The following IPCEF1 variants were observed in gnomAD, a reference collection of about 807,000 sequenced individuals.
The protein encoded by IPCEF1 is interaction protein for cytohesin exchange factors 1.
Under a neutral mutation model 50.9 loss-of-function variants are expected in IPCEF1, and 31 were observed. The ratio of observed to expected loss-of-function variants is 0.61; its 90% CI spans 0.46 to 0.82. IPCEF1 has a LOEUF of 0.82. IPCEF1 is among the 40% of genes least tolerant of loss of function. IPCEF1 has a pLI of 0.00. For synonymous variants in IPCEF1, 181 were observed against 192.0 expected, an observed-to-expected ratio of 0.94 and a Z score of 0.47; for missense variants, 458 against 514.0, an observed-to-expected ratio of 0.89 and a Z score of 1.05.
intron 3 of IPCEF1, among the ~76,000 whole-genome samples, chr6:154,260,051 C>T (rs1362711327): frequency 6.6e-6 from 1 of 152,288 alleles, no homozygotes; most frequent in Non-Finnish European, 1.5e-5. Flanking sequence ...TTCATGCAGG[C>T]AGAAATCGTG....
intron 10 of IPCEF1, among the ~76,000 whole-genome samples, chr6:154,177,349 G>A (rs201613715): frequency 6.6e-6 from 1 of 152,128 alleles, no homozygotes; most frequent in East Asian, 1.9e-4. Context: ...AAGTGAACAG[G>A]CAACCTACAG....
At chr6:154,233,761 C>T (rs549442192) in intron 5 of IPCEF1, among the ~76,000 whole-genome samples, 4 of 152,292 alleles carry the variant, frequency 2.6e-5, no homozygotes, top group African/African-American at 9.6e-5. Flanking sequence ...CCAGGGCACA[C>T]TGGCAAGACT....
chr6:154,265,939 T>C lies in IPCEF1; in HGVS notation c.9A>G (p.Ser3=). 6.2e-7 allele frequency: 1 copy of C among 1,602,388 alleles called. No homozygotes were observed. The highest frequency in any genetic ancestry group is 8.5e-7 in the Non-Finnish European group (1 of 1,173,216). MT[S]YMAIDGSALQ... ...GAGCACTGCCATCAATAGCCATGTA[T>C]GATGTCATCTTAGTAGAAACAAAAG... The change falls in exon 3 of 12, where the codon TCA becomes TCG. Residue 3 remains serine, a synonymous_variant. Coordinates refer to ENST00000367220, the MANE Select transcript of IPCEF1 (RefSeq NM_001130700.2).
intron 5 of IPCEF1, among the ~76,000 whole-genome samples, chr6:154,241,234 C>CAAAAA (rs11308882): frequency 1.3e-5 from 1 of 79,208 alleles, no homozygotes; most frequent in African/African-American, 4.8e-5. Context: ...GACTCCATCT[C>CAAAAA]AAAAAAAAAA....
At chr6:154,181,832 G>A (rs535963743) in intron 10 of IPCEF1, among the ~76,000 whole-genome samples, 31 of 152,254 alleles carry the variant, frequency 2.0e-4, no homozygotes, top group Admixed American at 7.8e-4. Context: ...CTGGACACTT[G>A]GGGATCATGA....
chr6:154,247,954 C>G (rs988024686), intron 3 of IPCEF1, among the ~76,000 whole-genome samples: 2 of 152,166 alleles, frequency 1.3e-5, no homozygotes, highest in Non-Finnish European at 1.5e-5. Flanking sequence ...CTATTCAGCT[C>G]ATAGTCCTGC....
intron 2 of IPCEF1, among the ~76,000 whole-genome samples, chr6:154,277,305 T>TCC (rs1386137062): frequency 6.6e-6 from 1 of 152,210 alleles, no homozygotes; most frequent in African/African-American, 2.4e-5. Context: ...TATTTATTCT[T>TCC]TAGGAAGAAC....
chr6:154,236,215 A>G (rs1357590260), intron 5 of IPCEF1, among the ~76,000 whole-genome samples: 3 of 152,236 alleles, frequency 2.0e-5, no homozygotes, highest in Admixed American at 6.5e-5. Context: ...ATTCAGCTTA[A>G]AAAGGAAGAC....
In IPCEF1 at chr6:154,191,018, T is replaced by C. The variant is rs544480712; in HGVS notation, c.910+8650A>G. On this transcript the variant is annotated intron_variant, in intron 10 of 11. Transcript: ENST00000367220. ...TTTCACTGAGCCGAGATCGCGCCACTGCACTGCAGCCTGGACGACAGAGAG... is the reference window on the plus strand; with the variant it reads ...TTTCACTGAGCCGAGATCGCGCCACCGCACTGCAGCCTGGACGACAGAGAG... Among the ~76,000 whole-genome samples, 8 of 152,188 alleles carry C rather than the reference T, an allele frequency of 5.3e-5. No individual in the cohort carries two copies. The South Asian group carries it at 1.7e-3, about 32-fold the overall frequency.
intron 5 of IPCEF1, among the ~76,000 whole-genome samples, chr6:154,228,838 A>G (rs1446155896): frequency 6.6e-6 from 1 of 152,232 alleles, no homozygotes; most frequent in East Asian, 1.9e-4. Flanking sequence ...CAGTGAGCTG[A>G]GATGGTGCCA....
At chr6:154,296,604 C>A (rs747000112) in intron 1 of IPCEF1, among the ~76,000 whole-genome samples, 39 of 152,048 alleles carry the variant, frequency 2.6e-4, no homozygotes, top group Non-Finnish European at 5.0e-4. Context: ...CCGAGGAGGG[C>A]AGATCACGAG....
intron 10 of IPCEF1, among the ~76,000 whole-genome samples, chr6:154,170,052 T>C (rs192262050): frequency 1.9e-4 from 29 of 152,310 alleles, no homozygotes; most frequent in African/African-American, 6.7e-4. Context: ...CATGTTAAGC[T>C]ACCCTGGCTT....
chr6:154,263,843 C>T (rs6910189), intron 3 of IPCEF1, among the ~76,000 whole-genome samples: 101 of 6,764 alleles, frequency 0.015, 38 homozygotes, highest in East Asian at 0.056. Flanking sequence ...CGCCCCTCAC[C>T]TCCCGGACGG....
At chr6:154,327,354 TAAAC>T (rs1290183230) in intron 1 of IPCEF1, among the ~76,000 whole-genome samples, 18 of 151,940 alleles carry the variant, frequency 1.2e-4, no homozygotes, top group African/African-American at 4.1e-4. Flanking sequence ...ACAAGGAACT[TAAAC>T]AAATTTACAA....
intron 1 of IPCEF1, among the ~76,000 whole-genome samples, chr6:154,297,985 G>A (rs984929908): frequency 3.3e-5 from 5 of 152,162 alleles, no homozygotes; most frequent in South Asian, 4.1e-4. Flanking sequence ...AGGTCCCAGG[G>A]TGCAGAACAA....
chr6:154,249,035 C>T (rs1053089032), intron 3 of IPCEF1, among the ~76,000 whole-genome samples: 2 of 152,116 alleles, frequency 1.3e-5, no homozygotes, highest in African/African-American at 4.8e-5. Flanking sequence ...ACTGACATTT[C>T]ATCTGACCAA....
intron 10 of IPCEF1, among the ~76,000 whole-genome samples, chr6:154,176,118 A>G (rs957379016): frequency 2.0e-5 from 3 of 152,240 alleles, no homozygotes; most frequent in African/African-American, 7.2e-5. Flanking sequence ...AACAAAAATC[A>G]ACAGCCTTTC....
At chr6:154,354,197 A>C (rs927905823) in intron 1 of IPCEF1, among the ~76,000 whole-genome samples, 1 of 152,164 alleles carries the variant, frequency 6.6e-6, no homozygotes, top group African/African-American at 2.4e-5. Context: ...TTGAACAGAT[A>C]TGTCTGAGCC....
At chr6:154,163,561 G>A (rs573706392) in intron 11 of IPCEF1, among the ~76,000 whole-genome samples, 24 of 152,172 alleles carry the variant, frequency 1.6e-4, no homozygotes, top group African/African-American at 5.3e-4. Flanking sequence ...ATAAGCTTCC[G>A]GAAGGCAGGC....
Sources: gnomAD v4.1 joint callset for allele counts (sites outside exome capture counted in the v4.1 genomes callset) on GRCh38, gnomAD v4.1.1 for gene constraint, MANE v1.5 for transcripts, NCBI Gene and HGNC (gene_info 2026-07-23, HGNC 2026-07-21) for gene names.